SND1: variants seen among roughly 807,000 people sequenced by gnomAD.
The protein encoded by SND1 is staphylococcal nuclease and tudor domain containing 1.
Under a neutral mutation model 121.7 loss-of-function variants are expected in SND1, and 38 were observed. That is an observed-to-expected ratio of 0.31 (90% CI 0.24 to 0.41). The LOEUF (loss-of-function observed/expected upper bound fraction) is 0.41. Ranked by LOEUF, SND1 falls within the 10% of genes least tolerant of loss-of-function variation. The pLI is 1.00. For missense variants in SND1, 868 were observed against 1,184.6 expected (o/e 0.73, Z 3.92); for synonymous variants, 401 against 447.4 (o/e 0.90, Z 1.31).
chr7:127,943,743 C>T (rs921639273), intron 15 of SND1, among the ~76,000 whole-genome samples: 3 of 152,178 alleles, frequency 2.0e-5, no homozygotes, highest in Non-Finnish European at 4.4e-5. Context: ...GATGGTGTGG[C>T]AGCAGGCACC....
intron 9 of SND1, among the ~76,000 whole-genome samples, chr7:127,713,479 T>C (rs955032791): frequency 6.6e-6 from 1 of 152,234 alleles, no homozygotes; most frequent in Non-Finnish European, 1.5e-5. Context: ...CTGAAAGTCC[T>C]GCAAGTCTTC....
rs539528412 is a variant in SND1, at chr7:127,735,981, A to G, written c.1152+14581A>G. 3.9e-5 allele frequency among the ~76,000 whole-genome samples: 6 copies of G among 152,250 alleles called. No individual in the cohort carries two copies. In the East Asian group the frequency reaches 5.8e-4, roughly 15 times the overall value. ...TCTCCTTTCTGAAGTTTTCCTGGCA[A>G]TGATCTCATGGTTTAAAAGAGTGAG... is the stretch of plus-strand genomic sequence containing the variant. On this transcript the variant is annotated intron_variant, in intron 10 of 23. Coordinates refer to ENST00000354725, the MANE Select transcript of SND1 (RefSeq NM_014390.4).
chr7:127,963,231 C>T (rs1299832173), intron 15 of SND1, among the ~76,000 whole-genome samples: 1 of 149,720 alleles, frequency 6.7e-6, no homozygotes, highest in Non-Finnish European at 1.5e-5. Flanking sequence ...AGAGATAAGA[C>T]TAGAGCGGCA....
chr7:127,686,520 T>A (rs1795815014), intron 1 of SND1, 93 bp from the exon 2 acceptor site: 5 of 1,334,306 alleles, frequency 3.7e-6, no homozygotes, highest in Non-Finnish European at 4.1e-6. Flanking sequence ...GTGCAAATGC[T>A]ATTTGAAATG....
Position 128,071,622 on chromosome 7 carries a change from T to A in SND1, c.1780-2880T>A, listed in dbSNP as rs936471485. 5.3e-5 allele frequency among the ~76,000 whole-genome samples: 8 copies of A among 152,348 alleles called. No individual in the cohort carries two copies. The South Asian group carries it at 1.7e-3, about 32-fold the overall frequency. On this transcript the variant is annotated intron_variant, in intron 16 of 23. Transcript: ENST00000354725. Reference sequence around the variant, plus strand: ...ATACAACCTGCTTAAACCTCTGCTTTCAATCTCCGTAATTCTCCCAGAGTT... The same window carrying A: ...ATACAACCTGCTTAAACCTCTGCTTACAATCTCCGTAATTCTCCCAGAGTT...
chr7:127,852,072 A>G (rs1799173801), intron 12 of SND1, among the ~76,000 whole-genome samples: 1 of 152,116 alleles, frequency 6.6e-6, no homozygotes, highest in African/African-American at 2.4e-5. Context: ...AGGCATGAGA[A>G]TCACTTGAAC....
chr7:128,049,500 C>G (rs892921034), intron 16 of SND1, among the ~76,000 whole-genome samples: 1 of 152,170 alleles, frequency 6.6e-6, no homozygotes, highest in Admixed American at 6.5e-5. Context: ...CCTTTCCTCT[C>G]AAGTCCATCA....
At chr7:127,857,477 T>A (rs1283250084) in intron 12 of SND1, among the ~76,000 whole-genome samples, 1 of 151,368 alleles carries the variant, frequency 6.6e-6, no homozygotes, top group African/African-American at 2.4e-5. Context: ...AACACTTTTT[T>A]AAAAATGTAT....
intron 12 of SND1, among the ~76,000 whole-genome samples, chr7:127,862,585 T>C (rs1276161063): frequency 6.6e-6 from 1 of 152,250 alleles, no homozygotes; most frequent in Admixed American, 6.5e-5. Flanking sequence ...AGAAGTGATT[T>C]AATGCTGAGT....
At chr7:127,841,890 T>G (rs1584611448) in intron 11 of SND1, among the ~76,000 whole-genome samples, 1 of 152,208 alleles carries the variant, frequency 6.6e-6, no homozygotes, top group Non-Finnish European at 1.5e-5. Flanking sequence ...CATCTTTATA[T>G]TTTCTTACTT....
chr7:127,995,113 G>A (rs1191653369), intron 16 of SND1, among the ~76,000 whole-genome samples: 1 of 152,190 alleles, frequency 6.6e-6, no homozygotes, highest in African/African-American at 2.4e-5. Flanking sequence ...TATATGGCTT[G>A]CAAAGCCTAA....
At chr7:127,691,529 C>T (rs988829884) in intron 2 of SND1, among the ~76,000 whole-genome samples, 17 of 151,470 alleles carry the variant, frequency 1.1e-4, no homozygotes, top group African/African-American at 1.7e-4. Context: ...GGCGACAGAG[C>T]GAGACTCCGT....
intron 15 of SND1, among the ~76,000 whole-genome samples, chr7:127,956,148 C>A (rs1417436910): frequency 1.3e-5 from 2 of 152,188 alleles, no homozygotes; most frequent in Non-Finnish European, 1.5e-5. Context: ...TTGTTTATCT[C>A]CATATGCCCA....
At chr7:127,786,793 G>A (rs1214930451) in intron 10 of SND1, among the ~76,000 whole-genome samples, 14 of 151,970 alleles carry the variant, frequency 9.2e-5, no homozygotes, top group African/African-American at 3.1e-4. Context: ...ACAGGCGCGC[G>A]CCACCATGCC....
intron 16 of SND1, chr7:128,028,687 G>C (rs1302000934): frequency 3.1e-6 from 5 of 1,603,000 alleles, no homozygotes; most frequent in African/African-American, 1.3e-5. Flanking sequence ...AGTCATATTT[G>C]AGTTTCCTGT....
At chr7:127,922,199 T>TGTTTTGTTTTGTTTTG (rs745628141) in intron 14 of SND1, among the ~76,000 whole-genome samples, 1 of 93,498 alleles carries the variant, frequency 1.1e-5, no homozygotes, top group African/African-American at 4.3e-5. Flanking sequence ...TTTTTTTTTT[T>TGTTTTGTTTTGTTTTG]TTTTGTTTTG....
At chr7:128,059,598 A>G (rs1406096573) in intron 16 of SND1, among the ~76,000 whole-genome samples, 3 of 152,210 alleles carry the variant, frequency 2.0e-5, no homozygotes, top group Admixed American at 1.3e-4. Context: ...CATCAGCTCA[A>G]CTAGGCATCC....
intron 13 of SND1, among the ~76,000 whole-genome samples, chr7:127,894,955 G>T (rs1028339641): frequency 3.9e-5 from 6 of 151,950 alleles, no homozygotes; most frequent in Admixed American, 1.3e-4. Flanking sequence ...AGTACTGCTG[G>T]ATATTGCTGT....
At chr7:128,083,912 T>A (rs772910515) in intron 18 of SND1, among the ~76,000 whole-genome samples, 3 of 152,108 alleles carry the variant, frequency 2.0e-5, no homozygotes, top group African/African-American at 4.8e-5. Context: ...GAGTAGGCCC[T>A]GGGTGTTGCT....
Sources: allele counts gnomAD v4.1 joint callset (sites outside exome capture counted in the v4.1 genomes callset), GRCh38; gene constraint gnomAD v4.1.1; transcripts MANE v1.5; gene names NCBI Gene and HGNC (gene_info 2026-07-23, HGNC 2026-07-21).